The following PABPC4 variants were observed in gnomAD, a reference collection of about 807,000 sequenced individuals.
PABPC4 encodes polyadenylate-binding protein 4.
Under a neutral mutation model 74.5 loss-of-function variants are expected in PABPC4, and 15 were observed. That is an observed-to-expected ratio of 0.20 (90% CI 0.13 to 0.31). The LOEUF (loss-of-function observed/expected upper bound fraction) is 0.31, where lower values mean the gene tolerates loss of function less well. PABPC4 is among the 10% of genes least tolerant of loss of function. The probability of loss-of-function intolerance (pLI) is 1.00; values close to 1 mark genes in which losing one functional copy is unlikely to be tolerated. For synonymous variants in PABPC4, 345 were observed against 303.0 expected (o/e 1.14, Z -1.44); for missense variants, 610 against 853.5 (o/e 0.71, Z 3.55).
rs1361344997 is a variant in PABPC4, at chr1:39,565,146, T to C, written c.1205A>G (p.Gln402Arg). The change falls in exon 8 of 16, where the codon CAG becomes CGG. Residue 402 changes from glutamine to arginine, a missense_variant. Physicochemically the swap from Gln to Arg is conservative, Grantham distance 43. Transcript: ENST00000372858. ...LPANAILNQF[Q>R]PAAGGYFVPA... Reference sequence around the variant, plus strand: ...CACAAAGTAGCCACCCGCTGCAGGCTGGAACTGATTTAAGATGGCATTGGC... The same window carrying C: ...CACAAAGTAGCCACCCGCTGCAGGCCGGAACTGATTTAAGATGGCATTGGC... 1 of 1,614,044 alleles carries C rather than the reference T, an allele frequency of 6.2e-7. No homozygotes were observed. Among genetic ancestry groups the C allele is most frequent in the Non-Finnish European group, 8.5e-7 (1 of 1,180,054 alleles).
At position 39,567,896 on chromosome 1, in the gene PABPC4, C is replaced by T. The variant is rs185172961; in HGVS notation, c.877-50G>A. Reference sequence around the variant, plus strand: ...CTACACTTCTATATCACAAATATTCCCTAAGAAAGTGGTTCCCCAAGGGTG... The same window carrying T: ...CTACACTTCTATATCACAAATATTCTCTAAGAAAGTGGTTCCCCAAGGGTG... On this transcript the variant is annotated intron_variant, in intron 6 of 15. Transcript: ENST00000372858. 1,312 of 1,092,672 alleles carry T rather than the reference C, an allele frequency of 1.2e-3. 5 individuals are homozygous for T. Among genetic ancestry groups the T allele is most frequent in the Non-Finnish European group, 3.6e-4 (259 of 723,716 alleles). 67.7% of individuals were successfully genotyped at this position (1,092,672 alleles called of 1,614,324 possible). A position where few individuals can be genotyped will look rare whatever the true frequency, so the allele number is the denominator to read the frequency against.
chr1:39,576,089 T>A lies in PABPC4; in HGVS notation c.-138A>T. On this transcript the variant is annotated 5_prime_UTR_variant, in exon 1 of 16. Transcript: ENST00000372858. ...CCGGCGCGGCGAGGACGAGCTGGAG[T>A]CGGCGGGCTTGGAGACGGGACGGAA... 1.7e-6 allele frequency: 1 copy of A among 577,926 alleles called. No individual in the cohort carries two copies. 35.8% of individuals were successfully genotyped at this position (577,926 alleles called of 1,614,324 possible).
chr1:39,569,656 G>C lies in PABPC4; in HGVS notation c.677C>G (p.Pro226Arg). ...GCCAAAGCCTTTGGATTTCCCATTG[G>C]GATCTCTCATCACCTTGACACTTAG... is the stretch of plus-strand genomic sequence containing the variant. Reference protein sequence around the residue: ...KTLSVKVMRDPNGKSKGFGFV... With the variant: ...KTLSVKVMRDRNGKSKGFGFV... The change falls in exon 5 of 16, where the codon CCC becomes CGC. Residue 226 changes from proline to arginine, a missense_variant. By Grantham distance (103) the Pro-to-Arg change is moderately radical. Transcript: ENST00000372858. 1.2e-6 allele frequency: 2 copies of C among 1,613,964 alleles called. No homozygotes were observed. Among genetic ancestry groups the C allele is most frequent in the Admixed American group, 3.3e-5 (2 of 60,002 alleles).
chr1:39,564,392 A>G, intron 10 of PABPC4, 31 bp downstream of exon 10: 1 of 1,609,788 alleles, frequency 6.2e-7, no homozygotes, highest in Non-Finnish European at 8.5e-7. Context: ...CCTCCTCCCC[A>G]GGCCACACTT....
chr1:39,565,272 G>A lies in PABPC4; in HGVS notation c.1079C>T (p.Ser360Phe), dbSNP rs866996844. 6.2e-7 allele frequency: 1 copy of A among 1,614,104 alleles called. No homozygotes were observed. The highest frequency in any genetic ancestry group is 1.3e-5 in the African/African-American group (1 of 74,934). ...VTEMNGRIVG[S>F]KPLYVALAQR... The stretch of plus-strand genomic sequence containing the variant: ...GGCCAGGGCAACATATAGTGGCTTG[G>A]AGCCCACAATGCGTCCATTCATCTC... Residue 360 changes from serine to phenylalanine, a missense_variant, in exon 8 of 16, where the codon TCC becomes TTC. Transcript: ENST00000372858.
In PABPC4 at chr1:39,567,823, G is replaced by A. The variant is rs1433840278; in HGVS notation, c.900C>T (p.Asn300=). Residue 300 remains asparagine (N), a synonymous_variant, in exon 7 of 16, where the codon AAC becomes AAT. Transcript: ENST00000372858. ...TCTCATCATCAATAGTGTCATCCAA[G>A]TTCTTAATGTAGAGATTCACCCCCT... ...RYQGVNLYIK[N]LDDTIDDEKL... 3.8e-6 allele frequency: 6 copies of A among 1,591,530 alleles called. No homozygotes were observed. In the Middle Eastern group the frequency reaches 6.6e-4, roughly 175 times the overall value.
At chr1:39,562,292 CTCT>C (rs1354187208) in intron 13 of PABPC4, 28 bp downstream of exon 13, 6 of 1,612,056 alleles carry the variant, frequency 3.7e-6, no homozygotes, top group Admixed American at 1.7e-5. Flanking sequence ...CTCTGGGACC[CTCT>C]TCTTCTGCAA....
At chr1:39,562,583 G>A in intron 12 of PABPC4, 167 bp from the exon 13 acceptor site, 1 of 582,354 alleles carries the variant, frequency 1.7e-6, no homozygotes, top group Non-Finnish European at 3.1e-6. Context: ...TGAGGGGTGT[G>A]TTGAGGAACA....
chr1:39,571,551 G>A (rs1013212425), intron 2 of PABPC4: 18 of 612,182 alleles, frequency 2.9e-5, no homozygotes, highest in Non-Finnish European at 4.4e-5. Flanking sequence ...CTACTAAGAT[G>A]CTTCTATTCC....
At chr1:39,561,654 T>A (rs536599974) in intron 15 of PABPC4, 31 bp downstream of exon 15, 1 of 1,479,398 alleles carries the variant, frequency 6.8e-7, no homozygotes, top group Non-Finnish European at 9.4e-7. Context: ...ACAATGCTCA[T>A]AGGAACAAAA....
rs115610725 is a variant in PABPC4, at chr1:39,567,147, T to C, written c.972+604A>G. Among the ~76,000 whole-genome samples the C allele has an allele frequency of 4.4e-3, 674 of 152,336 alleles. 4 individuals carry two copies. The highest frequency in any genetic ancestry group is 0.015 in the African/African-American group (627 of 41,564). ...GGACAAGCAGTACACCATCCCCATG[T>C]AGTCAGCATTCTCTTGTTCAAGGAC... On this transcript the variant is annotated intron_variant, in intron 7 of 15. Transcript: ENST00000372858.
Position 39,576,033 on chromosome 1 carries a change from C to T in PABPC4, c.-82G>A, listed in dbSNP as rs1032555219. The T allele has an allele frequency of 2.0e-4, 202 of 1,021,038 alleles. No homozygotes were observed. The African/African-American group carries it at 2.9e-3, about 15-fold the overall frequency. 63.2% of individuals were successfully genotyped at this position (1,021,038 alleles called of 1,614,324 possible). A position where few individuals can be genotyped will look rare whatever the true frequency, so the allele number is the denominator to read the frequency against. ...GCAGGACAAAGGGGCGCCTTCGGAG[C>T]CCGGGCCCGCGCCGCGGCTCACAGG... On this transcript the variant is annotated 5_prime_UTR_variant, in exon 1 of 16. Coordinates refer to ENST00000372858, the MANE Select transcript of PABPC4 (RefSeq NM_001135653.2).
chr1:39,561,173 T>TTC, intron 15 of PABPC4, 51 bp from the exon 16 acceptor site: 1 of 468,576 alleles, frequency 2.1e-6, no homozygotes, highest in Non-Finnish European at 4.4e-6. Context: ...ATAATTTAGA[T>TTC]TCATTAACAT....
At chr1:39,567,288 C>T in intron 7 of PABPC4, 1 of 432,906 alleles carries the variant, frequency 2.3e-6, no homozygotes, top group Non-Finnish European at 4.6e-6. Context: ...AAACCTTCCA[C>T]TCCCCTTTCC....
chr1:39,564,968 TA>T (rs1316892025), intron 8 of PABPC4, 137 bp downstream of exon 8: 8 of 1,003,408 alleles, frequency 8.0e-6, no homozygotes, highest in Non-Finnish European at 1.2e-5. Flanking sequence ...TGACCATGGG[TA>T]AGTCCTTCAT....
At chr1:39,575,013 GCT>G (rs1388324189) in intron 1 of PABPC4, among the ~76,000 whole-genome samples, 1 of 152,164 alleles carries the variant, frequency 6.6e-6, no homozygotes, top group Admixed American at 6.5e-5. Context: ...AAATAAAAGG[GCT>G]CTGACTAGTG....
At chr1:39,564,300 G>T in intron 10 of PABPC4, 123 bp downstream of exon 10, 1 of 1,184,622 alleles carries the variant, frequency 8.4e-7, no homozygotes. Context: ...TAAGCACACA[G>T]CTAAGATTAC....
At chr1:39,571,381 A>C in intron 2 of PABPC4, 32 bp from the exon 3 acceptor site, 1 of 1,612,672 alleles carries the variant, frequency 6.2e-7, no homozygotes, top group Non-Finnish European at 8.5e-7. Flanking sequence ...ACTTTAGCAG[A>C]ACTGGCCAGC....
Position 39,563,897 on chromosome 1 carries a change from A to G in PABPC4, c.1479T>C (p.Ala493=), listed in dbSNP as rs780407315. ...CGGCACCAGCCCCACCAAAGTCCAT[A>G]GCCAAGCGGTCCGGGCACTCAGACC... ...RVGSECPDRL[A]MDFGGAGAAQ... Residue 493 remains alanine (A), a synonymous_variant, in exon 11 of 16, where the codon GCT becomes GCC. Transcript: ENST00000372858. 4.3e-6 allele frequency: 7 copies of G among 1,614,088 alleles called. No individual in the cohort carries two copies. Among genetic ancestry groups the G allele is most frequent in the Admixed American group, 1.7e-5 (1 of 59,998 alleles).
Sources: allele counts gnomAD v4.1 joint callset (sites outside exome capture counted in the v4.1 genomes callset), GRCh38; gene constraint gnomAD v4.1.1; transcripts MANE v1.5; gene names NCBI Gene and HGNC (gene_info 2026-07-23, HGNC 2026-07-21).